Variants in AP1S1 observed in about 807,000 individuals in gnomAD.
The protein encoded by AP1S1 is AP-1 complex subunit sigma-1A.
In AP1S1, 13 loss-of-function variants were observed where a neutral mutation model predicts 23.9. That is an observed-to-expected ratio of 0.54 (90% CI 0.35 to 0.86). AP1S1 has a LOEUF of 0.86. Ranked by LOEUF, AP1S1 falls within the 40% of genes least tolerant of loss-of-function variation. The pLI is 0.01. For synonymous variants in AP1S1, 84 were observed against 77.7 expected (o/e 1.08, Z -0.43); for missense variants, 119 against 197.6 (o/e 0.60, Z 2.38).
chr7:101,156,644 A>G lies in AP1S1; in HGVS notation c.54A>G (p.Lys18=), dbSNP rs1796995691. 1 of 1,612,496 alleles carries G rather than the reference A, an allele frequency of 6.2e-7. No individual in the cohort carries two copies. Among genetic ancestry groups the G allele is most frequent in the Non-Finnish European group, 8.5e-7 (1 of 1,179,380 alleles). Residue 18 remains lysine, a synonymous_variant, in exon 2 of 5, where the codon AAA becomes AAG. Coordinates refer to ENST00000337619, the MANE Select transcript of AP1S1 (RefSeq NM_001283.5). ...FSRQGKLRLQ[K]WYLATSDKER... is the part of the protein sequence containing the mutation. ...GGCAGGGAAAACTGCGGCTGCAAAA[A>G]TGGTACCTGGCCACTTCGGACAAGG... is the stretch of plus-strand genomic sequence containing the variant.
At chr7:101,158,149 G>T (rs975111930) in intron 3 of AP1S1, among the ~76,000 whole-genome samples, 6 of 152,092 alleles carry the variant, frequency 3.9e-5, no homozygotes, top group African/African-American at 1.2e-4. Context: ...GTTTTCTGGA[G>T]AATTTTTTTG....
At position 101,157,397 on chromosome 7, in the gene AP1S1, G is replaced by C. The variant is rs988745331; in HGVS notation, c.203G>C (p.Cys68Ser). Residue 68 changes from cysteine to serine, a missense_variant, in exon 3 of 5, where the codon TGC (cysteine) becomes TCC (serine). Transcript: ENST00000337619. The stretch of plus-strand genomic sequence containing the variant: ...CGCAGATATGCCAGCCTCTACTTCT[G>C]CTGCGCCATCGAGGGCCAAGACAAT... ...VYKRYASLYF[C>S]CAIEGQDNEL... 6.3e-7 allele frequency: 1 copy of C among 1,578,030 alleles called. No individual in the cohort carries two copies. Among genetic ancestry groups the C allele is most frequent in the Non-Finnish European group, 8.6e-7 (1 of 1,161,884 alleles).
chr7:101,160,960 A>ACCTCCC lies in AP1S1; in HGVS notation c.*399_*400insCCCTCC, dbSNP rs1797095387. ...TCTTGTCCTCTCTGTCCCATAACCT[A>ACCTCCC]CCTCCACCCTCCCCCTAGCCAGCCA... On this transcript the variant is annotated 3_prime_UTR_variant, in exon 5 of 5. Coordinates refer to ENST00000337619, the MANE Select transcript of AP1S1 (RefSeq NM_001283.5). 2 of 247,114 alleles carry ACCTCCC rather than the reference A, an allele frequency of 8.1e-6. No individual in the cohort carries two copies. The highest frequency in any genetic ancestry group is 7.7e-6 in the Non-Finnish European group (1 of 130,252). 15.3% of individuals were successfully genotyped at this position (247,114 alleles called of 1,614,324 possible). A position where few individuals can be genotyped will look rare whatever the true frequency, so the allele number is the denominator to read the frequency against.
At position 101,156,725 on chromosome 7, in the gene AP1S1, G is replaced by A. The variant is rs1356345150; in HGVS notation, c.135G>A (p.Lys45=). 7 of 1,603,136 alleles carry A rather than the reference G, an allele frequency of 4.4e-6. No homozygotes were observed. The highest frequency in any genetic ancestry group is 1.7e-4 in the Middle Eastern group (1 of 6,046). Reference sequence around the variant, plus strand: ...AGGTTGTCCTGGCTCGAAAGCCCAAGATGTGCAGCTTCCTGGAGTGGAGGG... The same window carrying A: ...AGGTTGTCCTGGCTCGAAAGCCCAAAATGTGCAGCTTCCTGGAGTGGAGGG... ...LMQVVLARKP[K]MCSFLEWRDL... The change falls in exon 2 of 5, where the codon AAG becomes AAA. Residue 45 remains lysine, a synonymous_variant. Coordinates refer to ENST00000337619, the MANE Select transcript of AP1S1 (RefSeq NM_001283.5).
chr7:101,157,057 C>T (rs1018297706), intron 2 of AP1S1, among the ~76,000 whole-genome samples: 1 of 152,102 alleles, frequency 6.6e-6, no homozygotes, highest in African/African-American at 2.4e-5. Flanking sequence ...GTCAAAGGTC[C>T]TGCCCTACTT....
chr7:101,158,742 A>G (rs774739286), intron 3 of AP1S1, among the ~76,000 whole-genome samples: 5 of 152,168 alleles, frequency 3.3e-5, no homozygotes, highest in Non-Finnish European at 7.3e-5. Context: ...TCTCTACAAA[A>G]TATTTTAAAA....
chr7:101,159,314 G>T lies in AP1S1; in HGVS notation c.429+118G>T, dbSNP rs577206653. 2.5e-5 allele frequency: 35 copies of T among 1,426,750 alleles called. No individual in the cohort carries two copies. The African/African-American group carries it at 4.8e-4, about 19-fold the overall frequency. 88.4% of individuals were successfully genotyped at this position (1,426,750 alleles called of 1,614,324 possible). A position where few individuals can be genotyped will look rare whatever the true frequency, so the allele number is the denominator to read the frequency against. Reference sequence around the variant, plus strand: ...TCGCCAAGGAGCCCCCCCTCCCTGTGGTATCTGACCCCCACCACGCCCAGC... The same window carrying T: ...TCGCCAAGGAGCCCCCCCTCCCTGTTGTATCTGACCCCCACCACGCCCAGC... On this transcript the variant is annotated intron_variant, in intron 4 of 4. Coordinates refer to ENST00000337619, the MANE Select transcript of AP1S1 (RefSeq NM_001283.5).
intron 1 of AP1S1, among the ~76,000 whole-genome samples, chr7:101,156,024 G>T (rs867141894): frequency 7.2e-5 from 11 of 152,234 alleles, no homozygotes; most frequent in Middle Eastern, 3.4e-3. Context: ...GAGGTCGGGA[G>T]TTCGAGACCA....
intron 1 of AP1S1, among the ~76,000 whole-genome samples, chr7:101,155,759 G>A (rs1327630995): frequency 1.3e-5 from 2 of 152,134 alleles, no homozygotes; most frequent in African/African-American, 4.8e-5. Context: ...GAAAATTGAG[G>A]TAGCTTCTCC....
At position 101,157,395 on chromosome 7, in the gene AP1S1, C is replaced by T. The variant is rs77920250; in HGVS notation, c.201C>T (p.Phe67=). ...TCCGCAGATATGCCAGCCTCTACTT[C>T]TGCTGCGCCATCGAGGGCCAAGACA... ...VVYKRYASLY[F]CCAIEGQDNE... Residue 67 remains phenylalanine (F), a synonymous_variant, in exon 3 of 5, where the codon TTC becomes TTT. Transcript: ENST00000337619. 1,525 of 1,577,516 alleles carry T rather than the reference C, an allele frequency of 9.7e-4. 53 individuals are homozygous for T. In the East Asian group the frequency reaches 0.035, roughly 36 times the overall value.
Position 101,160,959 on chromosome 7 carries a change from T to TATCTCC in AP1S1, c.*394_*395insTCTCCA, listed in dbSNP as rs1797095114. 2.8e-6 allele frequency: 1 copy of TATCTCC among 358,006 alleles called. No individual in the cohort carries two copies. The highest frequency in any genetic ancestry group is 5.5e-6 in the Non-Finnish European group (1 of 181,098). 22.2% of individuals were successfully genotyped at this position (358,006 alleles called of 1,614,324 possible). A position where few individuals can be genotyped will look rare whatever the true frequency, so the allele number is the denominator to read the frequency against. On this transcript the variant is annotated 3_prime_UTR_variant, in exon 5 of 5. Coordinates refer to ENST00000337619, the MANE Select transcript of AP1S1 (RefSeq NM_001283.5). ...TTCTTGTCCTCTCTGTCCCATAACCTACCTCCACCCTCCCCCTAGCCAGCC... is the reference window on the plus strand; with the variant it reads ...TTCTTGTCCTCTCTGTCCCATAACCTATCTCCACCTCCACCCTCCCCCTAGCCAGCC...
In AP1S1 at chr7:101,160,654, G is replaced by A. The variant is rs1281076583; in HGVS notation, c.*88G>A. On this transcript the variant is annotated 3_prime_UTR_variant, in exon 5 of 5. Transcript: ENST00000337619. Reference sequence around the variant, plus strand: ...CTCTGCCCAGGGCCCTGTTCTTGGTGGGACTCGGCTGCCCCTCCTCTGCTG... The same window carrying A: ...CTCTGCCCAGGGCCCTGTTCTTGGTAGGACTCGGCTGCCCCTCCTCTGCTG... 1 of 1,496,424 alleles carries A rather than the reference G, an allele frequency of 6.7e-7. No individual in the cohort carries two copies. The highest frequency in any genetic ancestry group is 9.2e-7 in the Non-Finnish European group (1 of 1,089,046). 92.7% of individuals were successfully genotyped at this position (1,496,424 alleles called of 1,614,324 possible).
chr7:101,154,544 G>C, intron 1 of AP1S1, 27 bp downstream of exon 1: 1 of 1,560,174 alleles, frequency 6.4e-7, no homozygotes, highest in Non-Finnish European at 8.7e-7. Context: ...GGGAGGGGAG[G>C]GGGAAGCGAG....
In AP1S1 at chr7:101,159,085, C is replaced by T. The variant is rs781760648; in HGVS notation, c.318C>T (p.Asn106=). The change falls in exon 4 of 5, where the codon AAC becomes AAT. Residue 106 remains asparagine, a synonymous_variant. Coordinates refer to ENST00000337619, the MANE Select transcript of AP1S1 (RefSeq NM_001283.5). The part of the protein sequence containing the change: ...GSVCELDIIF[N]FEKAYFILDE... ...TGTGCGAGCTGGACATCATCTTCAA[C>T]TTTGAGAAGGCCTACTTCATCCTGG... The T allele has an allele frequency of 3.7e-6, 6 of 1,613,666 alleles. No individual in the cohort carries two copies. The highest frequency in any genetic ancestry group is 1.1e-5 in the South Asian group (1 of 91,010).
At chr7:101,154,679 A>T in intron 1 of AP1S1, 162 bp downstream of exon 1, 45 of 189,978 alleles carry the variant, frequency 2.4e-4, no homozygotes, top group East Asian at 1.2e-3. Flanking sequence ...CGGGAGGAAG[A>T]GGGGGAGGTG....
intron 1 of AP1S1, chr7:101,154,885 C>A: frequency 1.1e-6 from 1 of 951,628 alleles, no homozygotes; most frequent in East Asian, 5.1e-5. Context: ...CGGGGGTCAC[C>A]AGTCACCGAG....
Position 101,154,499 on chromosome 7 carries a change from A to G in AP1S1, c.-16A>G, listed in dbSNP as rs1234738293. 5.1e-6 allele frequency: 8 copies of G among 1,570,952 alleles called. No individual in the cohort carries two copies. Among genetic ancestry groups the G allele is most frequent in the Admixed American group, 3.7e-5 (2 of 53,358 alleles). ...ACGGTGGCCGAAGTGGGACGCGCCG[A>G]GCCGGAGGCTGCAGGATGGTAGGCT... On this transcript the variant is annotated 5_prime_UTR_variant, in exon 1 of 5. Transcript: ENST00000337619.
At chr7:101,158,138 A>T (rs1451408329) in intron 3 of AP1S1, among the ~76,000 whole-genome samples, 2 of 151,976 alleles carry the variant, frequency 1.3e-5, no homozygotes, top group Admixed American at 1.3e-4. Context: ...TTTGCATTGG[A>T]GTTTTCTGGA....
At position 101,161,063 on chromosome 7, in the gene AP1S1, A is replaced by G. The variant is rs925927868; in HGVS notation, c.*497A>G. The G allele has an allele frequency of 1.8e-5, 6 of 332,850 alleles. No individual in the cohort carries two copies. Among genetic ancestry groups the G allele is most frequent in the Non-Finnish European group, 3.5e-5 (6 of 171,276 alleles). The allele number at this position is 332,850 out of a possible 1,614,324, so 20.6% of individuals were successfully genotyped here. A position where few individuals can be genotyped will look rare whatever the true frequency, so the allele number is the denominator to read the frequency against. ...TGCAGTGGGGCCTTTATCCAGTGCC[A>G]GGGAGGAACAACATAGTTAATTTTT... is the stretch of plus-strand genomic sequence containing the variant. On this transcript the variant is annotated 3_prime_UTR_variant, in exon 5 of 5. Transcript: ENST00000337619.
Sources: gnomAD v4.1 joint callset for allele counts (sites outside exome capture counted in the v4.1 genomes callset) on GRCh38, gnomAD v4.1.1 for gene constraint, MANE v1.5 for transcripts, NCBI Gene and HGNC (gene_info 2026-07-23, HGNC 2026-07-21) for gene names.